NALF1: variants seen among roughly 807,000 people sequenced by gnomAD.
NALF1 encodes NALCN channel auxiliary factor 1.
Under a neutral mutation model 48.4 loss-of-function variants are expected in NALF1, and 3 were observed. That is an observed-to-expected ratio of 0.06 (90% CI 0.03 to 0.16). NALF1 has a LOEUF of 0.16. Among genes scored for constraint, NALF1 ranks in the 10% least tolerant of loss-of-function variants. The pLI is 1.00. For synonymous variants in NALF1, 262 were observed against 245.7 expected, an observed-to-expected ratio of 1.07 and a Z score of -0.62; for missense variants, 526 against 571.5, an observed-to-expected ratio of 0.92 and a Z score of 0.81.
chr13:107,641,370 T>C (rs1880150826), intron 1 of NALF1, among the ~76,000 whole-genome samples: 1 of 152,192 alleles, frequency 6.6e-6, no homozygotes, highest in African/African-American at 2.4e-5. Flanking sequence ...TTTGCAATAA[T>C]TTGTTGCTTA....
At chr13:107,802,034 T>C (rs1878631149) in intron 1 of NALF1, among the ~76,000 whole-genome samples, 1 of 152,214 alleles carries the variant, frequency 6.6e-6, no homozygotes, top group Non-Finnish European at 1.5e-5. Context: ...GTGTGAAACC[T>C]GTTCTATGCA....
intron 1 of NALF1, among the ~76,000 whole-genome samples, chr13:107,765,558 G>A (rs931138964): frequency 5.9e-5 from 9 of 152,022 alleles, no homozygotes; most frequent in African/African-American, 1.4e-4. Flanking sequence ...CTGTTTATGT[G>A]GATGTACATA....
intron 1 of NALF1, among the ~76,000 whole-genome samples, chr13:107,341,395 C>A (rs1882678320): frequency 2.0e-5 from 3 of 151,944 alleles, no homozygotes; most frequent in African/African-American, 7.2e-5. Flanking sequence ...CCAGCCTCCT[C>A]AGTGCCTTGC....
intron 1 of NALF1, among the ~76,000 whole-genome samples, chr13:107,591,416 TAGA>T (rs1294438274): frequency 2.6e-5 from 4 of 152,164 alleles, no homozygotes; most frequent in African/African-American, 9.6e-5. Flanking sequence ...ACCTATCTTT[TAGA>T]TAAAATGTCA....
chr13:107,396,786 G>C (rs1432384249), intron 1 of NALF1, among the ~76,000 whole-genome samples: 1 of 152,168 alleles, frequency 6.6e-6, no homozygotes, highest in Non-Finnish European at 1.5e-5. Context: ...GTTCTCAGCA[G>C]TCTATACTGC....
At chr13:107,514,445 C>T (rs1875992981) in intron 1 of NALF1, among the ~76,000 whole-genome samples, 1 of 150,708 alleles carries the variant, frequency 6.6e-6, no homozygotes, top group South Asian at 2.1e-4. Context: ...ATCTATCTAT[C>T]TATCTATCTA....
intron 1 of NALF1, among the ~76,000 whole-genome samples, chr13:107,628,908 C>T (rs915187624): frequency 1.3e-5 from 2 of 152,092 alleles, no homozygotes; most frequent in Non-Finnish European, 2.9e-5. Flanking sequence ...TTCTTACCTA[C>T]CTGCTCCCCC....
At chr13:107,550,163 C>G (rs1179710615) in intron 1 of NALF1, among the ~76,000 whole-genome samples, 1 of 152,040 alleles carries the variant, frequency 6.6e-6, no homozygotes, top group Admixed American at 6.6e-5. Context: ...ATTTTTACAA[C>G]ATTCTTGGAT....
At chr13:107,255,490 C>G (rs370910642) in intron 1 of NALF1, among the ~76,000 whole-genome samples, 57 of 152,262 alleles carry the variant, frequency 3.7e-4, no homozygotes, top group South Asian at 3.3e-3. Flanking sequence ...GAGTAACATT[C>G]ACAACCTTGT....
chr13:107,489,400 A>G (rs1594090567), intron 1 of NALF1, among the ~76,000 whole-genome samples: 1 of 152,196 alleles, frequency 6.6e-6, no homozygotes, highest in East Asian at 1.9e-4. Context: ...ACAGTAAACA[A>G]AACAGCATGG....
At chr13:107,193,151 T>G (rs1468816366) in intron 2 of NALF1, among the ~76,000 whole-genome samples, 1 of 152,096 alleles carries the variant, frequency 6.6e-6, no homozygotes, top group Non-Finnish European at 1.5e-5. Context: ...AAGGTTTTCC[T>G]TATCTTCTTT....
chr13:107,472,984 G>C (rs1885124657), intron 1 of NALF1, among the ~76,000 whole-genome samples: 1 of 152,148 alleles, frequency 6.6e-6, no homozygotes, highest in African/African-American at 2.4e-5. Flanking sequence ...CCTGGAATTT[G>C]TCTTTTCTAT....
intron 1 of NALF1, among the ~76,000 whole-genome samples, chr13:107,629,652 T>G (rs1384656691): frequency 6.6e-6 from 1 of 152,194 alleles, no homozygotes; most frequent in Non-Finnish European, 1.5e-5. Flanking sequence ...GCAACAAATT[T>G]TGGAGTCCTT....
chr13:107,769,385 T>TTG (rs1183494350), intron 1 of NALF1, among the ~76,000 whole-genome samples: 3 of 147,658 alleles, frequency 2.0e-5, no homozygotes, highest in Admixed American at 1.3e-4. Context: ...TTCATGTCCT[T>TTG]TGTAGGGACG....
chr13:107,688,070 T>C (rs1881479834), intron 1 of NALF1, among the ~76,000 whole-genome samples: 1 of 152,234 alleles, frequency 6.6e-6, no homozygotes, highest in African/African-American at 2.4e-5. Context: ...TATTATTAAT[T>C]ATAATAGTGA....
intron 1 of NALF1, among the ~76,000 whole-genome samples, chr13:107,407,651 C>T (rs977915041): frequency 1.3e-5 from 2 of 152,024 alleles, no homozygotes; most frequent in African/African-American, 2.4e-5. Context: ...CCCTCATAAA[C>T]TGTTGGTGTA....
chr13:107,851,175 A>C (rs1880305038), intron 1 of NALF1, among the ~76,000 whole-genome samples: 1 of 152,118 alleles, frequency 6.6e-6, no homozygotes, highest in Admixed American at 6.6e-5. Context: ...TGTCGTCTGA[A>C]TTTTTTACCG....
At chr13:107,183,281 AG>A (rs1879104872) in intron 2 of NALF1, among the ~76,000 whole-genome samples, 1 of 152,218 alleles carries the variant, frequency 6.6e-6, no homozygotes, top group East Asian at 1.9e-4. Context: ...CACAGCTGGC[AG>A]TGCACACGTT....
chr13:107,507,370 C>T (rs2491588), intron 1 of NALF1, among the ~76,000 whole-genome samples: 12,818 of 151,766 alleles, frequency 0.084, 1,364 homozygotes, highest in African/African-American at 0.25. Context: ...TAGAGGACAT[C>T]TGTTTCTAAC....
Sources: gnomAD v4.1 joint callset for allele counts (sites outside exome capture counted in the v4.1 genomes callset) on GRCh38, gnomAD v4.1.1 for gene constraint, MANE v1.5 for transcripts, NCBI Gene and HGNC (gene_info 2026-07-23, HGNC 2026-07-21) for gene names.